Variants in MTOR observed in about 807,000 individuals in gnomAD.
MTOR encodes serine/threonine-protein kinase mTOR.
A neutral mutation model predicts 319.8 loss-of-function variants in MTOR; 70 were observed. The ratio of observed to expected loss-of-function variants is 0.22; its 90% CI spans 0.18 to 0.27. The LOEUF (loss-of-function observed/expected upper bound fraction) is 0.27, where lower values mean the gene tolerates loss of function less well. Among genes scored for constraint, MTOR ranks in the 10% least tolerant of loss-of-function variants. The pLI is 1.00. For missense variants in MTOR, 1,890 were observed against 3,274.4 expected (o/e 0.58, Z 10.32); for synonymous variants, 1,183 against 1,211.4 (o/e 0.98, Z 0.49).
At chr1:11,260,105 T>TTAC (rs996808885) in intron 1 of MTOR, among the ~76,000 whole-genome samples, 22 of 152,234 alleles carry the variant, frequency 1.4e-4, no homozygotes, top group East Asian at 5.8e-4. Context: ...GCTATTATTA[T>TTAC]TACTACTACT....
At chr1:11,261,389 G>A (rs1180028172) in intron 1 of MTOR, among the ~76,000 whole-genome samples, 3 of 151,584 alleles carry the variant, frequency 2.0e-5, no homozygotes, top group Non-Finnish European at 4.4e-5. Context: ...GGAGAATGGC[G>A]GGAACCCGGG....
intron 28 of MTOR, among the ~76,000 whole-genome samples, chr1:11,182,900 C>T (rs947535356): frequency 6.6e-6 from 1 of 152,172 alleles, no homozygotes; most frequent in African/African-American, 2.4e-5. Flanking sequence ...CAGTGTTTGG[C>T]TATTACGAGG....
chr1:11,112,481 T>G (rs1228167621), intron 54 of MTOR, among the ~76,000 whole-genome samples: 1 of 152,226 alleles, frequency 6.6e-6, no homozygotes, highest in Non-Finnish European at 1.5e-5. Context: ...TGAAGTTCAA[T>G]TAAATGCTTA....
At chr1:11,248,234 T>C in intron 6 of MTOR, 140 bp from the exon 7 acceptor site, 1 of 894,914 alleles carries the variant, frequency 1.1e-6, no homozygotes. Flanking sequence ...ACTCTTCATG[T>C]TTAGGGTTAC....
At position 11,109,807 on chromosome 1, in the gene MTOR, G is replaced by A. The variant is rs761276057; in HGVS notation, c.7367-78C>T. 1.6e-6 allele frequency: 2 copies of A among 1,280,258 alleles called. No individual in the cohort carries two copies. Among genetic ancestry groups the A allele is most frequent in the African/African-American group, 1.5e-5 (1 of 68,688 alleles). The allele number at this position is 1,280,258 out of a possible 1,614,324, so 79.3% of individuals were successfully genotyped here. On this transcript the variant is annotated intron_variant, in intron 54 of 57. Coordinates refer to ENST00000361445, the MANE Select transcript of MTOR (RefSeq NM_004958.4). The surrounding 1 kb of genome is among the most constrained non-coding windows in gnomAD (Gnocchi z 4.0). Reference sequence around the variant, plus strand: ...TTGGTGTTAGCATCTAATTCTCTACGCACTCTATTCCTTTAACGCCTGCCC... The same window carrying A: ...TTGGTGTTAGCATCTAATTCTCTACACACTCTATTCCTTTAACGCCTGCCC...
At chr1:11,236,718 C>T (rs1387535914) in intron 13 of MTOR, among the ~76,000 whole-genome samples, 1 of 151,758 alleles carries the variant, frequency 6.6e-6, no homozygotes, top group Non-Finnish European at 1.5e-5. Flanking sequence ...ACCATGTTGG[C>T]CAGGCTGGTC....
intron 28 of MTOR, chr1:11,189,305 G>A (rs1645427580): frequency 8.8e-6 from 3 of 339,208 alleles, no homozygotes; most frequent in Admixed American, 9.2e-5. Flanking sequence ...TGGTAGGGGT[G>A]GAGGTACAGG....
At position 11,107,467 on chromosome 1, in the gene MTOR, G is replaced by A. The variant is rs768735847; in HGVS notation, c.*18C>T. ...AAAAGCCTCAGAAAAAACGTGATGG[G>A]CACATCTGGGCCTCCAGTTACCAGA... On this transcript the variant is annotated 3_prime_UTR_variant, in exon 58 of 58. Transcript: ENST00000361445. The A allele has an allele frequency of 1.2e-6, 2 of 1,610,398 alleles. No individual in the cohort carries two copies. Among genetic ancestry groups the A allele is most frequent in the Admixed American group, 1.7e-5 (1 of 58,928 alleles).
intron 50 of MTOR, among the ~76,000 whole-genome samples, chr1:11,116,757 A>G (rs552805863): frequency 1.2e-4 from 19 of 152,342 alleles, no homozygotes; most frequent in Admixed American, 1.1e-3. Flanking sequence ...CTGGCCTCCC[A>G]GGATGACAGG....
chr1:11,114,187 G>C, intron 53 of MTOR, 131 bp downstream of exon 53: 1 of 1,071,066 alleles, frequency 9.3e-7, no homozygotes. Flanking sequence ...GCAGAAAGGG[G>C]TCTTACTATG....
In MTOR at chr1:11,232,548, G is replaced by C. The variant is rs1647054332; in HGVS notation, c.2422-20C>G. ...ACTAACCTGCAAAATGAAAAAGAGGGTGGCAGAAAGGGTTAGAAATTCTGG... is the reference window on the plus strand; with the variant it reads ...ACTAACCTGCAAAATGAAAAAGAGGCTGGCAGAAAGGGTTAGAAATTCTGG... On this transcript the variant is annotated intron_variant, in intron 15 of 57. Coordinates refer to ENST00000361445, the MANE Select transcript of MTOR (RefSeq NM_004958.4). The C allele has an allele frequency of 1.2e-6, 2 of 1,602,652 alleles. No individual in the cohort carries two copies. Among genetic ancestry groups the C allele is most frequent in the Admixed American group, 3.3e-5 (2 of 59,858 alleles).
chr1:11,193,639 T>C, intron 28 of MTOR: 1 of 1,613,462 alleles, frequency 6.2e-7, no homozygotes, highest in Non-Finnish European at 8.5e-7. Flanking sequence ...GACGAAAAAG[T>C]GGCCTTGTCT....
intron 49 of MTOR, 77 bp from the exon 50 acceptor site, chr1:11,117,163 T>G: frequency 8.1e-7 from 1 of 1,234,220 alleles, no homozygotes; most frequent in Non-Finnish European, 1.1e-6. Flanking sequence ...ATAAGCTGTC[T>G]TTGGTTTGTA....
At chr1:11,256,620 G>A (rs1650434679) in intron 4 of MTOR, among the ~76,000 whole-genome samples, 1 of 152,194 alleles carries the variant, frequency 6.6e-6, no homozygotes. Flanking sequence ...TACAGAGTTA[G>A]GTAGGAAGTT....
In MTOR at chr1:11,240,424, T is replaced by A; in HGVS notation, c.1665A>T (p.Pro555=). ...GATGGGCCAGGCCCTTGGGCATGCC[T>A]GGGTGGCGAAGGGGTTTGTGCATAA... ...LVLMHKPLRH[P]GMPKGLAHQL... The change falls in exon 11 of 58, where the codon CCA becomes CCT. Residue 555 remains proline, a synonymous_variant. Coordinates refer to ENST00000361445, the MANE Select transcript of MTOR (RefSeq NM_004958.4). The A allele has an allele frequency of 6.2e-7, 1 of 1,614,238 alleles. No individual in the cohort carries two copies.
At chr1:11,216,087 T>C in intron 20 of MTOR, 61 bp downstream of exon 20, 1 of 1,229,300 alleles carries the variant, frequency 8.1e-7, no homozygotes. Context: ...TCATTCAAAC[T>C]TGCTTCTGAG....
At position 11,157,232 on chromosome 1, in the gene MTOR, A is replaced by G; in HGVS notation, c.4389T>C (p.Tyr1463=). The G allele has an allele frequency of 6.2e-7, 1 of 1,614,152 alleles. No individual in the cohort carries two copies. The highest frequency in any genetic ancestry group is 1.3e-5 in the African/African-American group (1 of 75,048). The change falls in exon 30 of 58, where the codon TAT becomes TAC. Residue 1463 remains tyrosine (Y), a synonymous_variant. Transcript: ENST00000361445. Reference sequence around the variant, plus strand: ...CCTTGTTGGTGTCCATTTTCTTGTCATAGGCCACAAGGGCATCCTCCCACT... The same window carrying G: ...CCTTGTTGGTGTCCATTTTCTTGTCGTAGGCCACAAGGGCATCCTCCCACT... ...LHEWEDALVA[Y]DKKMDTNKDD...
At chr1:11,170,679 T>C (rs1399873186) in intron 28 of MTOR, among the ~76,000 whole-genome samples, 1 of 151,624 alleles carries the variant, frequency 6.6e-6, no homozygotes, top group East Asian at 1.9e-4. Flanking sequence ...CCTATCCTTT[T>C]CTTTTTTTTT....
intron 16 of MTOR, 138 bp from the exon 17 acceptor site, chr1:11,231,572 T>G: frequency 9.4e-7 from 1 of 1,066,144 alleles, no homozygotes; most frequent in South Asian, 1.8e-5. Context: ...ACACTAACCA[T>G]GAGCAGAAAT....
Sources: gnomAD v4.1 joint callset for allele counts (sites outside exome capture counted in the v4.1 genomes callset) on GRCh38, gnomAD v4.1.1 for gene constraint, Gnocchi (gnomAD v3.1) non-coding constraint, MANE v1.5 for transcripts, NCBI Gene and HGNC (gene_info 2026-07-23, HGNC 2026-07-21) for gene names.